The following CNOT6L variants were observed in gnomAD, a reference collection of about 807,000 sequenced individuals.
CNOT6L encodes the protein CCR4-NOT transcription complex subunit 6-like.
A neutral mutation model predicts 64.0 loss-of-function variants in CNOT6L; 7 were observed. That is an observed-to-expected ratio of 0.11 (90% CI 0.06 to 0.21). The LOEUF is 0.21. Ranked by LOEUF, CNOT6L falls within the 10% of genes least tolerant of loss-of-function variation. The pLI, the probability that CNOT6L is intolerant of heterozygous loss-of-function variation, is 1.00. For missense variants in CNOT6L, 245 were observed against 669.0 expected (o/e 0.37, Z 6.99); for synonymous variants, 193 against 243.4 (o/e 0.79, Z 1.93).
At chr4:77,817,455 G>A (rs1463921888) in intron 1 of CNOT6L, among the ~76,000 whole-genome samples, 1 of 152,192 alleles carries the variant, frequency 6.6e-6, no homozygotes, top group Admixed American at 6.5e-5. Flanking sequence ...AGTCAGGGCT[G>A]CAGGAGGCAG....
chr4:77,730,752 C>T (rs1722357184), intron 9 of CNOT6L, among the ~76,000 whole-genome samples: 1 of 151,876 alleles, frequency 6.6e-6, no homozygotes, highest in Admixed American at 6.6e-5. Flanking sequence ...ACAAAAAGTA[C>T]AGGGGAAAAA....
chr4:77,808,345 C>G (rs1286926775), intron 1 of CNOT6L, among the ~76,000 whole-genome samples: 1 of 151,604 alleles, frequency 6.6e-6, no homozygotes, highest in Non-Finnish European at 1.5e-5. Context: ...GCCTGTAATC[C>G]CAGCTTCTCG....
At chr4:77,795,531 T>G (rs1313501479) in intron 1 of CNOT6L, among the ~76,000 whole-genome samples, 1 of 152,190 alleles carries the variant, frequency 6.6e-6, no homozygotes. Context: ...GACAGAGTTC[T>G]TAAGACAGCT....
chr4:77,777,757 G>A (rs1189403116), intron 1 of CNOT6L, among the ~76,000 whole-genome samples: 1 of 152,130 alleles, frequency 6.6e-6, no homozygotes, highest in Non-Finnish European at 1.5e-5. Context: ...ATCCCAAATT[G>A]AAGAGTTGCT....
intron 1 of CNOT6L, among the ~76,000 whole-genome samples, chr4:77,812,439 AAAAAAAAAG>A (rs1463155100): frequency 6.7e-6 from 1 of 150,288 alleles, no homozygotes; most frequent in African/African-American, 2.4e-5. Context: ...CTCCATCTCA[AAAAAAAAAG>A]AAAAAAAAAA....
intron 8 of CNOT6L, among the ~76,000 whole-genome samples, chr4:77,739,568 A>G (rs1352809896): frequency 6.6e-6 from 1 of 152,238 alleles, no homozygotes; most frequent in Admixed American, 6.5e-5. Context: ...CTGAATAGTC[A>G]GCTAAGACAT....
chr4:77,731,639 AGCTGC>A, intron 8 of CNOT6L, 101 bp from the exon 9 acceptor site: 1 of 860,662 alleles, frequency 1.2e-6, no homozygotes, highest in Non-Finnish European at 1.7e-6. Flanking sequence ...GTCATTTTCT[AGCTGC>A]AAGTGACCAT....
At chr4:77,805,699 A>G (rs1732136155) in intron 1 of CNOT6L, among the ~76,000 whole-genome samples, 1 of 152,232 alleles carries the variant, frequency 6.6e-6, no homozygotes, top group Non-Finnish European at 1.5e-5. Flanking sequence ...GCATTTCAAT[A>G]TAACAAGTTC....
At chr4:77,760,860 C>CTTTTTTTTTTTTTTTTTTTTTTTTT (rs754195745) in intron 4 of CNOT6L, among the ~76,000 whole-genome samples, 2 of 29,978 alleles carry the variant, frequency 6.7e-5, no homozygotes, top group Admixed American at 6.5e-4. Context: ...CCATGCCTGG[C>CTTTTTTTTTTTTTTTTTTTTTTTTT]TTTTTTTTTT....
intron 9 of CNOT6L, among the ~76,000 whole-genome samples, chr4:77,729,944 A>C (rs1419593992): frequency 3.9e-5 from 6 of 152,112 alleles, no homozygotes; most frequent in African/African-American, 7.2e-5. Context: ...TATGTTAGTA[A>C]CTCTATAGAG....
chr4:77,804,755 T>C (rs1475339510), intron 1 of CNOT6L, among the ~76,000 whole-genome samples: 1 of 151,966 alleles, frequency 6.6e-6, no homozygotes, highest in East Asian at 1.9e-4. Context: ...GTTTGTGTTA[T>C]GTAATACATA....
chr4:77,792,723 C>CA (rs1345244554), intron 1 of CNOT6L, among the ~76,000 whole-genome samples: 4 of 64,918 alleles, frequency 6.2e-5, no homozygotes, highest in Non-Finnish European at 1.4e-4. Context: ...AAGACTCTGC[C>CA]TTAAAAAAAA....
intron 1 of CNOT6L, among the ~76,000 whole-genome samples, chr4:77,814,915 A>T (rs1733390955): frequency 2.0e-5 from 3 of 152,212 alleles, no homozygotes; most frequent in African/African-American, 7.2e-5. Flanking sequence ...TTAGTAAAAG[A>T]AAGTTGTAGT....
chr4:77,736,838 A>C (rs765702321), intron 8 of CNOT6L, among the ~76,000 whole-genome samples: 3 of 152,190 alleles, frequency 2.0e-5, no homozygotes, highest in Non-Finnish European at 4.4e-5. Flanking sequence ...AACTAGACGA[A>C]AGGTCAAATG....
chr4:77,788,506 T>C (rs549845363), intron 1 of CNOT6L, among the ~76,000 whole-genome samples: 137 of 152,278 alleles, frequency 9.0e-4, no homozygotes, highest in African/African-American at 3.0e-3. Context: ...GGCAGGCAGA[T>C]TGCCTGAGCT....
intron 1 of CNOT6L, among the ~76,000 whole-genome samples, chr4:77,798,102 A>ATTC (rs1560432367): frequency 6.6e-6 from 1 of 152,028 alleles, no homozygotes; most frequent in East Asian, 1.9e-4. Context: ...AAGGAAGGAG[A>ATTC]AGCACTTGAG....
chr4:77,777,691 C>A (rs1024225221), intron 1 of CNOT6L, among the ~76,000 whole-genome samples: 1 of 152,134 alleles, frequency 6.6e-6, no homozygotes, highest in Non-Finnish European at 1.5e-5. Context: ...TATACACACA[C>A]CCCAAAACCA....
At position 77,722,875 on chromosome 4, in the gene CNOT6L, T is replaced by G. The variant is rs72863499; in HGVS notation, c.1456-2232A>C. Among the ~76,000 whole-genome samples the G allele has an allele frequency of 1.8e-3, 270 of 152,302 alleles. 2 individuals carry two copies. Among genetic ancestry groups the G allele is most frequent in the African/African-American group, 5.4e-3 (225 of 41,568 alleles). On this transcript the variant is annotated intron_variant, in intron 11 of 11. Transcript: ENST00000504123. ...TTTTGAGTCAGTTTCTTTCTTAAAA[T>G]ATTTAATATTAATAATGTGGGAAAA...
At chr4:77,762,063 G>T (rs947555449) in intron 4 of CNOT6L, among the ~76,000 whole-genome samples, 2 of 152,078 alleles carry the variant, frequency 1.3e-5, no homozygotes, top group African/African-American at 4.8e-5. Context: ...AACTTTATTT[G>T]AAAATAAAGC....
Sources: allele counts gnomAD v4.1 joint callset (sites outside exome capture counted in the v4.1 genomes callset), GRCh38; gene constraint gnomAD v4.1.1; transcripts MANE v1.5; gene names NCBI Gene and HGNC (gene_info 2026-07-23, HGNC 2026-07-21).